Variants in ANP32E observed in about 807,000 individuals in gnomAD.
ANP32E encodes acidic leucine-rich nuclear phosphoprotein 32 family member E.
In ANP32E, 14 loss-of-function variants were observed where a neutral mutation model predicts 35.3. The ratio of observed to expected loss-of-function variants is 0.40; its 90% confidence interval spans 0.26 to 0.62. ANP32E has a LOEUF of 0.62. ANP32E is among the 20% of genes least tolerant of loss of function. The pLI, the probability that ANP32E is intolerant of heterozygous loss-of-function variation, is 0.45. For synonymous variants in ANP32E, 89 were observed against 110.4 expected (o/e 0.81, Z 1.22); for missense variants, 198 against 304.4 (o/e 0.65, Z 2.60).
rs782057318 is a variant in ANP32E at position 150,235,713 on chromosome 1, T to TG, written c.54+19dup. 1.9e-5 allele frequency: 30 copies of TG among 1,613,344 alleles called. 1 individual carries two copies. The highest frequency in any genetic ancestry group is 1.3e-4 in the South Asian group (12 of 90,978). On this transcript the variant is annotated intron_variant, in intron 1 of 6. Transcript: ENST00000583931. The surrounding 1 kb of genome is among the most constrained non-coding windows in gnomAD (Gnocchi z 4.2). ...GAATACTGGACTGATGGGGAAGCGG[T>TG]GGGGGCTGAGTCATCTCACCTCCTC... is the stretch of plus-strand genomic sequence containing the variant.
chr1:150,226,809 T>C lies in ANP32E; in HGVS notation c.494-14A>G, dbSNP rs782200333. On this transcript the variant is annotated splice_polypyrimidine_tract_variant and intron_variant, in intron 4 of 6. Coordinates refer to ENST00000583931, the MANE Select transcript of ANP32E (RefSeq NM_030920.5). ...CTTCATCGCCATCTTTAAAAAATCA[T>C]TTAAAGATGAGTAAATGACTGGGTA... The C allele has an allele frequency of 8.5e-5, 136 of 1,596,062 alleles. No individual in the cohort carries two copies. The highest frequency in any genetic ancestry group is 3.2e-4 in the Admixed American group (18 of 56,868).
At chr1:150,230,347 C>A (rs1649259490) in intron 3 of ANP32E, among the ~76,000 whole-genome samples, 1 of 151,900 alleles carries the variant, frequency 6.6e-6, no homozygotes, top group Non-Finnish European at 1.5e-5. Context: ...AATGTTAAAA[C>A]CAGATAGTCA....
At chr1:150,222,535 C>T (rs1242285782) in intron 6 of ANP32E, among the ~76,000 whole-genome samples, 1 of 151,416 alleles carries the variant, frequency 6.6e-6, no homozygotes, top group Non-Finnish European at 1.5e-5. Flanking sequence ...GTGGGCAGAT[C>T]GTTTGAACCC....
rs782060801 is a variant in ANP32E, at chr1:150,229,235, T to C, written c.330A>G (p.Gln110=). Reference sequence around the variant, plus strand: ...CAAGACTTTTCAAATTTTTAAGATTTTGCTGGAAAAGTAAAGTTAAAACTT... The same window carrying C: ...CAAGACTTTTCAAATTTTTAAGATTCTGCTGGAAAAGTAAAGTTAAAACTT... The part of the protein sequence containing the change: ...IKDLSTVEAL[Q]NLKNLKSLDL... The change falls in exon 4 of 7, where the codon CAA becomes CAG. Residue 110 remains glutamine (Q), a splice_region_variant and synonymous_variant. Transcript: ENST00000583931. 6.4e-7 allele frequency: 1 copy of C among 1,555,106 alleles called. No individual in the cohort carries two copies. The highest frequency in any genetic ancestry group is 8.7e-7 in the Non-Finnish European group (1 of 1,150,612).
Position 150,231,265 on chromosome 1 carries a change from T to A in ANP32E, c.204+512A>T, listed in dbSNP as rs138826208. On this transcript the variant is annotated intron_variant, in intron 2 of 6. Transcript: ENST00000583931. ...AGAAAAATATTTGGTATATATTAAA[T>A]CCAAATTCATATTATAAGGCAATTC... Among the ~76,000 whole-genome samples, 16 of 152,274 alleles carry A rather than the reference T, an allele frequency of 1.1e-4. 1 individual carries two copies. Among genetic ancestry groups the A allele is most frequent in the African/African-American group, 3.6e-4 (15 of 41,546 alleles).
At chr1:150,230,514 A>G in intron 3 of ANP32E, 57 bp downstream of exon 3, 1 of 1,492,726 alleles carries the variant, frequency 6.7e-7, no homozygotes, top group Non-Finnish European at 9.0e-7. Context: ...GACACAAACA[A>G]ATCTCAGAAA....
chr1:150,229,224 T>G lies in ANP32E; in HGVS notation c.341A>C (p.Asn114Thr). The part of the protein sequence containing the change: ...STVEALQNLK[N>T]LKSLDLFNCE... ...GTTAAACAGGTCAAGACTTTTCAAA[T>G]TTTTAAGATTTTGCTGGAAAAGTAA... Residue 114 changes from asparagine (N) to threonine (T), a missense_variant, in exon 4 of 7, where the codon AAT (asparagine) becomes ACT (threonine). Asn to Thr is a moderately conservative substitution (Grantham distance 65). Transcript: ENST00000583931. 1 of 1,564,270 alleles carries G rather than the reference T, an allele frequency of 6.4e-7. No individual in the cohort carries two copies. The highest frequency in any genetic ancestry group is 1.2e-5 in the South Asian group (1 of 83,362).
intron 6 of ANP32E, 93 bp from the exon 7 acceptor site, chr1:150,220,854 GCC>G: frequency 9.2e-7 from 1 of 1,090,972 alleles, no homozygotes; most frequent in Non-Finnish European, 1.4e-6. Flanking sequence ...TAATGGCAAG[GCC>G]TAGCACGGTG....
chr1:150,235,647 C>T lies in ANP32E; in HGVS notation c.54+86G>A, dbSNP rs587622708. On this transcript the variant is annotated intron_variant, in intron 1 of 6. Transcript: ENST00000583931. This position sits in a 1 kb window ranked among gnomAD's most constrained non-coding sequence, Gnocchi z 4.2. Reference sequence around the variant, plus strand: ...GATGGGGGCTAACTTATTACTCCATCCCCGCACACCCACCCAGGACCACCA... The same window carrying T: ...GATGGGGGCTAACTTATTACTCCATTCCCGCACACCCACCCAGGACCACCA... 1.6e-5 allele frequency: 25 copies of T among 1,520,206 alleles called. No individual in the cohort carries two copies. The East Asian group carries it at 5.0e-4, about 30-fold the overall frequency. The allele number at this position is 1,520,206 out of a possible 1,614,324, so 94.2% of individuals were successfully genotyped here.
intron 5 of ANP32E, among the ~76,000 whole-genome samples, chr1:150,226,345 C>T (rs1485312395): frequency 1.3e-5 from 2 of 152,084 alleles, no homozygotes; most frequent in Admixed American, 6.6e-5. Flanking sequence ...GGTTCACAGA[C>T]ATTTGTAAAA....
chr1:150,233,135 G>A (rs1320177207), intron 1 of ANP32E, among the ~76,000 whole-genome samples: 11 of 151,756 alleles, frequency 7.2e-5, no homozygotes, highest in African/African-American at 2.4e-4. Flanking sequence ...CGTGATGGTG[G>A]GCACCTGTAA....
intron 4 of ANP32E, among the ~76,000 whole-genome samples, chr1:150,228,519 G>A (rs1320787695): frequency 2.0e-5 from 3 of 151,796 alleles, no homozygotes; most frequent in African/African-American, 4.8e-5. Context: ...GTGAAACCTC[G>A]TCTCTACTAA....
At chr1:150,230,931 T>A (rs146590510) in intron 2 of ANP32E, among the ~76,000 whole-genome samples, 2 of 152,142 alleles carry the variant, frequency 1.3e-5, no homozygotes, top group Admixed American at 6.6e-5. Context: ...TTGGTACAGA[T>A]GGGGTTTCAC....
chr1:150,227,958 T>A (rs1649010910), intron 4 of ANP32E, among the ~76,000 whole-genome samples: 1 of 151,360 alleles, frequency 6.6e-6, no homozygotes, highest in Admixed American at 6.6e-5. Context: ...AGAAATCCCA[T>A]ACCCATAGGC....
intron 6 of ANP32E, among the ~76,000 whole-genome samples, chr1:150,221,025 G>C (rs1648306321): frequency 3.7e-5 from 5 of 134,466 alleles, no homozygotes; most frequent in Admixed American, 3.5e-4. Flanking sequence ...GGCTAAGGAA[G>C]AATTCCATGA....
chr1:150,234,756 G>T, intron 1 of ANP32E: 1 of 824,820 alleles, frequency 1.2e-6, no homozygotes, highest in Non-Finnish European at 1.5e-6. Context: ...TCGCGCCTTC[G>T]CCCTGGGTAG....
In ANP32E at chr1:150,235,395, G is replaced by A. The variant is rs2101801784; in HGVS notation, c.54+338C>T. ...CTGGGGGGTCGCGCCCACGCCGCCG[G>A]CCCCCAGGAGGAGGAGTGCCGGGAG... On this transcript the variant is annotated intron_variant, in intron 1 of 6. Coordinates refer to ENST00000583931, the MANE Select transcript of ANP32E (RefSeq NM_030920.5). The surrounding 1 kb of genome is among the most constrained non-coding windows in gnomAD (Gnocchi z 4.2). 1.3e-5 allele frequency among the ~76,000 whole-genome samples: 2 copies of A among 152,292 alleles called. No individual in the cohort carries two copies. Among genetic ancestry groups the A allele is most frequent in the Middle Eastern group, 3.4e-3 (1 of 292 alleles).
intron 5 of ANP32E, among the ~76,000 whole-genome samples, chr1:150,223,514 C>G (rs1648606837): frequency 6.6e-6 from 1 of 151,744 alleles, no homozygotes; most frequent in East Asian, 2.0e-4. Flanking sequence ...AACCCTATCT[C>G]TACTAAAAAT....
Position 150,236,049 on chromosome 1 carries a change from CA to C in ANP32E, c.-264del, listed in dbSNP as rs1649756831. The stretch of plus-strand genomic sequence containing the variant: ...ACACACGCACGCACGCGCGCACACA[CA>C]TACACACACACATACACACACACAC... On this transcript the variant is annotated 5_prime_UTR_variant, in exon 1 of 7. The change abolishes an upstream ATG in the 5' untranslated region. Coordinates refer to ENST00000583931, the MANE Select transcript of ANP32E (RefSeq NM_030920.5). The C allele has an allele frequency of 2.0e-6, 1 of 511,632 alleles. No individual in the cohort carries two copies. The highest frequency in any genetic ancestry group is 1.9e-5 in the African/African-American group (1 of 51,358). The allele number at this position is 511,632 out of a possible 1,614,324, so 31.7% of individuals were successfully genotyped here.
Sources: gnomAD v4.1 joint callset for allele counts (sites outside exome capture counted in the v4.1 genomes callset) on GRCh38, gnomAD v4.1.1 for gene constraint, Gnocchi (gnomAD v3.1) non-coding constraint, MANE v1.5 for transcripts, NCBI Gene and HGNC (gene_info 2026-07-23, HGNC 2026-07-21) for gene names.